The following IQCM variants were observed in gnomAD, a reference collection of about 807,000 sequenced individuals.
IQCM encodes the protein IQ domain-containing protein M.
IQCM carries 45 observed loss-of-function variants against 57.6 expected under a neutral mutation model. The observed-to-expected ratio is 0.78, with a 90% CI of 0.62 to 1.00. IQCM has a LOEUF of 1.00. IQCM is among the 50% of genes least tolerant of loss of function. The pLI is 0.00. For missense variants in IQCM, 468 were observed against 511.6 expected, an observed-to-expected ratio of 0.91 and a Z score of 0.82; for synonymous variants, 148 against 158.9, an observed-to-expected ratio of 0.93 and a Z score of 0.51.
intron 2 of IQCM, among the ~76,000 whole-genome samples, chr4:149,797,072 G>A (rs905624561): frequency 3.3e-5 from 5 of 152,034 alleles, no homozygotes; most frequent in African/African-American, 1.2e-4. Flanking sequence ...AACTAAATAA[G>A]ACACCAGGGG....
chr4:149,735,566 A>C (rs1193267127), intron 3 of IQCM, 108 bp from the exon 4 acceptor site: 1 of 459,692 alleles, frequency 2.2e-6, no homozygotes, highest in African/African-American at 2.0e-5. Flanking sequence ...TCTTAACATA[A>C]TATTTTGCTT....
chr4:149,694,248 G>A (rs1408377312), intron 5 of IQCM, among the ~76,000 whole-genome samples: 4 of 122,268 alleles, frequency 3.3e-5, no homozygotes, highest in African/African-American at 1.3e-4. Context: ...TTTTTGAGAC[G>A]GAGTCTCGCT....
At chr4:149,614,048 A>G (rs1263837723) in intron 8 of IQCM, among the ~76,000 whole-genome samples, 1 of 152,068 alleles carries the variant, frequency 6.6e-6, no homozygotes, top group East Asian at 1.9e-4. Flanking sequence ...TATTTTTTTC[A>G]TGACCTAAAC....
Position 149,585,675 on chromosome 4 carries a change from C to T in IQCM, c.749+2255G>A, listed in dbSNP as rs531492865. 5.3e-5 allele frequency among the ~76,000 whole-genome samples: 8 copies of T among 151,714 alleles called. No individual in the cohort carries two copies. In the South Asian group the frequency reaches 1.2e-3, roughly 24 times the overall value. ...TATTAAGTATAGTTTCAATTTACCT[C>T]TCTTAAGTAATCATCAGAAAGCCTA... On this transcript the variant is annotated intron_variant, in intron 9 of 13. Transcript: ENST00000636793.
chr4:149,553,229 T>C lies in IQCM; in HGVS notation c.1007A>G (p.His336Arg), dbSNP rs1436658066. 8.1e-6 allele frequency: 10 copies of C among 1,231,842 alleles called. No homozygotes were observed. In the Admixed American group the frequency reaches 1.3e-4, roughly 16 times the overall value. 76.3% of individuals were successfully genotyped at this position (1,231,842 alleles called of 1,614,324 possible). A position where few individuals can be genotyped will look rare whatever the true frequency, so the allele number is the denominator to read the frequency against. ...AAGACCACGTCGATATCTAACACGG[T>C]GGATTAGTCTGCCATACATGTTAAT... ...AVINMYGRLI[H>R]RVRYRRGLWR... Residue 336 changes from histidine to arginine, a missense_variant, in exon 11 of 14, where the codon CAC becomes CGC. Coordinates refer to ENST00000636793, the MANE Select transcript of IQCM (RefSeq NM_001363507.2).
intron 13 of IQCM, among the ~76,000 whole-genome samples, chr4:149,414,630 CATG>C (rs1355379355): frequency 1.3e-5 from 2 of 151,794 alleles, no homozygotes; most frequent in African/African-American, 4.8e-5. Context: ...TAAGTGCCCC[CATG>C]ATAATTTTCT....
chr4:149,683,848 G>C (rs140674384), intron 6 of IQCM, among the ~76,000 whole-genome samples: 1 of 151,240 alleles, frequency 6.6e-6, no homozygotes, highest in Admixed American at 6.6e-5. Context: ...TCACACAAAT[G>C]TGAAATGCCA....
chr4:149,551,249 C>A (rs1748998747), intron 11 of IQCM, among the ~76,000 whole-genome samples: 1 of 152,148 alleles, frequency 6.6e-6, no homozygotes, highest in African/African-American at 2.4e-5. Context: ...TGCTTAGAAC[C>A]TTCTTCCCCC....
At chr4:149,629,022 A>T (rs1757037444) in intron 7 of IQCM, among the ~76,000 whole-genome samples, 1 of 152,186 alleles carries the variant, frequency 6.6e-6, no homozygotes, top group South Asian at 2.1e-4. Flanking sequence ...CTCAGAAAAC[A>T]CTTAACTAAA....
chr4:149,521,994 C>A (rs555160225), intron 12 of IQCM, among the ~76,000 whole-genome samples: 4 of 152,202 alleles, frequency 2.6e-5, no homozygotes, highest in Non-Finnish European at 5.9e-5. Context: ...GACAGAGCTG[C>A]ACCAGTAGTG....
rs1229725431 is a variant in IQCM, at chr4:149,442,960, A to T, written c.1229-9403T>A. Among the ~76,000 whole-genome samples the T allele has an allele frequency of 2.0e-4, 5 of 24,658 alleles. No homozygotes were observed. The East Asian group carries it at 9.1e-3, about 45-fold the overall frequency. 16.2% of individuals were successfully genotyped at this position (24,658 alleles called of 152,430 possible). On this transcript the variant is annotated intron_variant, in intron 12 of 13. Transcript: ENST00000636793. ...CACACACACACACACACACAGAGAG[A>T]GAGAGAGAGAGAGAGAGAGAGAGAG...
chr4:149,735,415 T>C lies in IQCM; in HGVS notation c.81A>G (p.Ala27=). 4 of 1,228,262 alleles carry C rather than the reference T, an allele frequency of 3.3e-6. No individual in the cohort carries two copies. The highest frequency in any genetic ancestry group is 4.1e-6 in the Non-Finnish European group (4 of 984,664). 76.1% of individuals were successfully genotyped at this position (1,228,262 alleles called of 1,614,324 possible). A position where few individuals can be genotyped will look rare whatever the true frequency, so the allele number is the denominator to read the frequency against. The change falls in exon 4 of 14, where the codon GCA becomes GCG. Residue 27 remains alanine, a synonymous_variant. Coordinates refer to ENST00000636793, the MANE Select transcript of IQCM (RefSeq NM_001363507.2). ...CATAATGTTGGGCAATGAGAGTTTTTGCTTCTTGAAAAAAGTCTTGCTTGG... is the reference window on the plus strand; with the variant it reads ...CATAATGTTGGGCAATGAGAGTTTTCGCTTCTTGAAAAAAGTCTTGCTTGG... ...EITKQDFFQE[A]KTLIAQHYEK... is the part of the protein sequence containing the mutation.
chr4:149,559,050 C>T (rs1262520325), intron 10 of IQCM, among the ~76,000 whole-genome samples: 1 of 152,106 alleles, frequency 6.6e-6, no homozygotes, highest in Non-Finnish European at 1.5e-5. Context: ...CACCAGATTG[C>T]TCAAGACAAG....
In IQCM at chr4:149,413,816, C is replaced by A. The variant is rs13435250; in HGVS notation, c.1390+19580G>T. Among the ~76,000 whole-genome samples, 1,046 of 152,248 alleles carry A rather than the reference C, an allele frequency of 6.9e-3. 14 individuals are homozygous for A. Among genetic ancestry groups the A allele is most frequent in the African/African-American group, 0.024 (997 of 41,556 alleles). ...ACTATTAAACATTAAATTCTCCTTA[C>A]AGAAACTAAACATTTTTGTTAAATT... On this transcript the variant is annotated intron_variant, in intron 13 of 13. Coordinates refer to ENST00000636793, the MANE Select transcript of IQCM (RefSeq NM_001363507.2).
intron 7 of IQCM, among the ~76,000 whole-genome samples, chr4:149,680,292 T>C (rs561439067): frequency 2.0e-5 from 3 of 151,522 alleles, no homozygotes; most frequent in African/African-American, 7.2e-5. Flanking sequence ...TTGAGATACT[T>C]ATAATATCAT....
chr4:149,789,336 TGA>T (rs1361785887), intron 2 of IQCM, among the ~76,000 whole-genome samples: 1 of 152,180 alleles, frequency 6.6e-6, no homozygotes, highest in African/African-American at 2.4e-5. Context: ...AATTCTATTC[TGA>T]GATAACCCAA....
At chr4:149,559,498 C>T (rs936385968) in intron 10 of IQCM, among the ~76,000 whole-genome samples, 3 of 152,144 alleles carry the variant, frequency 2.0e-5, no homozygotes, top group East Asian at 1.9e-4. Flanking sequence ...AAGCCTCACC[C>T]TCCAGATCTC....
At chr4:149,767,195 C>T (rs1376663623) in intron 2 of IQCM, among the ~76,000 whole-genome samples, 1 of 151,548 alleles carries the variant, frequency 6.6e-6, no homozygotes, top group African/African-American at 2.4e-5. Flanking sequence ...TTTTCATTAA[C>T]CAAAATTATC....
At chr4:149,569,692 G>T (rs927947713) in intron 9 of IQCM, among the ~76,000 whole-genome samples, 1 of 151,966 alleles carries the variant, frequency 6.6e-6, no homozygotes, top group African/African-American at 2.4e-5. Flanking sequence ...AAGACCTATG[G>T]GTACAGGTTT....
Sources: allele counts gnomAD v4.1 joint callset (sites outside exome capture counted in the v4.1 genomes callset), GRCh38; gene constraint gnomAD v4.1.1; transcripts MANE v1.5; gene names NCBI Gene and HGNC (gene_info 2026-07-23, HGNC 2026-07-21).